The following PDE11A variants were observed in gnomAD, a reference collection of about 807,000 sequenced individuals.
PDE11A encodes the protein phosphodiesterase 11A.
In PDE11A, 100 loss-of-function variants were observed where a neutral mutation model predicts 100.5. The observed-to-expected ratio is 1.00, with a 90% CI of 0.85 to 1.18. The LOEUF (loss-of-function observed/expected upper bound fraction) is 1.18, where lower values mean the gene tolerates loss of function less well. PDE11A is among the 50% of genes most tolerant of loss of function. The probability of loss-of-function intolerance (pLI) is 0.00; values close to 1 mark genes in which losing one functional copy is unlikely to be tolerated. For synonymous variants in PDE11A, 381 were observed against 420.8 expected (o/e 0.91, Z 1.16); for missense variants, 1,141 against 1,152.6 (o/e 0.99, Z 0.15).
chr2:178,049,578 G>T (rs1221485975), intron 1 of PDE11A, among the ~76,000 whole-genome samples: 1 of 152,176 alleles, frequency 6.6e-6, no homozygotes, highest in African/African-American at 2.4e-5. Flanking sequence ...AAGTGCAAGG[G>T]GTTGGGGAAT....
chr2:177,667,778 C>G (rs1553536005), intron 18 of PDE11A, among the ~76,000 whole-genome samples: 1 of 152,174 alleles, frequency 6.6e-6, no homozygotes, highest in Non-Finnish European at 1.5e-5. Flanking sequence ...TCATGCCCGA[C>G]ACATGGAGGC....
At chr2:177,971,225 A>G (rs1265535558) in intron 2 of PDE11A, among the ~76,000 whole-genome samples, 4 of 152,244 alleles carry the variant, frequency 2.6e-5, no homozygotes, top group Non-Finnish European at 5.9e-5. Context: ...TGAGCCGGCT[A>G]TTTCATAACA....
intron 2 of PDE11A, among the ~76,000 whole-genome samples, chr2:177,907,939 TC>T (rs1281406850): frequency 6.6e-6 from 1 of 152,166 alleles, no homozygotes; most frequent in Non-Finnish European, 1.5e-5. Flanking sequence ...TTGTCACTGA[TC>T]CAGGAGTCTC....
chr2:177,698,241 T>C (rs1456942738), intron 14 of PDE11A, among the ~76,000 whole-genome samples: 4 of 152,192 alleles, frequency 2.6e-5, no homozygotes. Flanking sequence ...AAAATGACGT[T>C]TACCTAAGTA....
At chr2:177,705,215 TC>T (rs1483214761) in intron 13 of PDE11A, among the ~76,000 whole-genome samples, 3 of 107,792 alleles carry the variant, frequency 2.8e-5, no homozygotes, top group South Asian at 6.0e-4. Context: ...GCTTCTACTT[TC>T]TCACATAAAA....
In PDE11A at chr2:177,680,601, A is replaced by T. The variant is rs192552178; in HGVS notation, c.2423+225T>A. ...CCAAAACTGAACTAATTTGAACTTCATTTTCTAATTTTGATGGCAGATTTT... is the reference window on the plus strand; with the variant it reads ...CCAAAACTGAACTAATTTGAACTTCTTTTTCTAATTTTGATGGCAGATTTT... On this transcript the variant is annotated intron_variant, in intron 16 of 19. Coordinates refer to ENST00000286063, the MANE Select transcript of PDE11A (RefSeq NM_016953.4). Among the ~76,000 whole-genome samples, 5 of 152,226 alleles carry T rather than the reference A, an allele frequency of 3.3e-5. No homozygotes were observed. In the East Asian group the frequency reaches 9.7e-4, roughly 29 times the overall value.
intron 2 of PDE11A, among the ~76,000 whole-genome samples, chr2:177,971,573 G>C (rs529063368): frequency 6.6e-6 from 1 of 152,298 alleles, no homozygotes; most frequent in African/African-American, 2.4e-5. Context: ...ACATAGATCT[G>C]TTCCAAGTTG....
At chr2:178,080,178 T>C (rs1361080952) in intron 2 of PDE11A, among the ~76,000 whole-genome samples, 1 of 152,226 alleles carries the variant, frequency 6.6e-6, no homozygotes, top group African/African-American at 2.4e-5. Flanking sequence ...TTTGCATTTG[T>C]TGTGATTGCT....
intron 3 of PDE11A, among the ~76,000 whole-genome samples, chr2:177,904,322 T>A (rs1459299810): frequency 2.0e-5 from 3 of 152,172 alleles, no homozygotes; most frequent in African/African-American, 7.2e-5. Flanking sequence ...GTTCCAAGTA[T>A]CTAGTGAAGG....
chr2:177,658,719 C>T (rs202232141), intron 19 of PDE11A, among the ~76,000 whole-genome samples: 4 of 141,552 alleles, frequency 2.8e-5, no homozygotes, highest in East Asian at 2.0e-4. Context: ...TGAGTGGTGT[C>T]TTTTTTTTTT....
intron 5 of PDE11A, among the ~76,000 whole-genome samples, chr2:177,841,901 C>T (rs1388190250): frequency 6.6e-6 from 1 of 152,046 alleles, no homozygotes; most frequent in African/African-American, 2.4e-5. Context: ...AACAAAAGAA[C>T]AAAAAAGTTT....
intron 1 of PDE11A, among the ~76,000 whole-genome samples, chr2:178,047,710 G>A (rs1320244564): frequency 1.3e-5 from 2 of 152,112 alleles, no homozygotes; most frequent in Admixed American, 1.3e-4. Flanking sequence ...TACAAAGCTA[G>A]TAGCTTAAAA....
intron 2 of PDE11A, chr2:177,997,961 C>A (rs1574332041): frequency 8.3e-7 from 1 of 1,210,554 alleles, no homozygotes; most frequent in African/African-American, 1.5e-5. Flanking sequence ...GTCAAGATAC[C>A]AAGGTTAGGG....
chr2:177,751,512 A>G (rs1450132828), intron 10 of PDE11A, among the ~76,000 whole-genome samples: 1 of 152,198 alleles, frequency 6.6e-6, no homozygotes, highest in Non-Finnish European at 1.5e-5. Flanking sequence ...AGAAATGTCC[A>G]TATCATTAGT....
intron 18 of PDE11A, 68 bp downstream of exon 18, chr2:177,669,425 A>G: frequency 1.3e-6 from 1 of 788,516 alleles, no homozygotes; most frequent in Non-Finnish European, 2.3e-6. Flanking sequence ...TCCAACTTGT[A>G]ATTTGGAGTT....
chr2:177,969,971 C>T (rs2085749884), intron 2 of PDE11A, among the ~76,000 whole-genome samples: 1 of 152,048 alleles, frequency 6.6e-6, no homozygotes, highest in African/African-American at 2.4e-5. Context: ...ATCCAAGAAA[C>T]ATTTATTGAA....
chr2:177,637,999 T>A (rs6707034), intron 19 of PDE11A, among the ~76,000 whole-genome samples: 11,750 of 34,396 alleles, frequency 0.34, 1,218 homozygotes, highest in East Asian at 0.47. Flanking sequence ...ATATATATAT[T>A]TTTTTTTTTT....
At chr2:177,894,875 G>A (rs1421343717) in intron 4 of PDE11A, among the ~76,000 whole-genome samples, 1 of 152,106 alleles carries the variant, frequency 6.6e-6, no homozygotes, top group Non-Finnish European at 1.5e-5. Context: ...GTAAGTCCCT[G>A]CTTCAAGATA....
At chr2:178,103,584 A>G (rs1399350307) in intron 2 of PDE11A, among the ~76,000 whole-genome samples, 2 of 152,022 alleles carry the variant, frequency 1.3e-5, no homozygotes, top group Non-Finnish European at 2.9e-5. Context: ...AATAGTAGTG[A>G]CTTGAAATGC....
Sources: gnomAD v4.1 joint callset for allele counts (sites outside exome capture counted in the v4.1 genomes callset) on GRCh38, gnomAD v4.1.1 for gene constraint, MANE v1.5 for transcripts, NCBI Gene and HGNC (gene_info 2026-07-23, HGNC 2026-07-21) for gene names.